CFAP20DC: variants seen among roughly 807,000 people sequenced by gnomAD.
The protein encoded by CFAP20DC is CFAP20 domain containing, also known as protein CFAP20DC.
In CFAP20DC, 84 loss-of-function variants were observed where a neutral mutation model predicts 101.7. The ratio of observed to expected loss-of-function variants is 0.83; its 90% CI spans 0.69 to 0.99. The LOEUF (loss-of-function observed/expected upper bound fraction) is 0.99. Ranked by LOEUF, CFAP20DC falls within the 50% of genes least tolerant of loss-of-function variation. The probability of loss-of-function intolerance (pLI) is 0.00; values close to 1 mark genes in which losing one functional copy is unlikely to be tolerated. For synonymous variants in CFAP20DC, 359 were observed against 351.2 expected, an observed-to-expected ratio of 1.02 and a Z score of -0.25; for missense variants, 1,007 against 970.3, an observed-to-expected ratio of 1.04 and a Z score of -0.50.
intron 4 of CFAP20DC, among the ~76,000 whole-genome samples, chr3:58,946,092 A>T (rs1490482739): frequency 9.6e-5 from 14 of 146,232 alleles, no homozygotes; most frequent in African/African-American, 3.5e-4. Context: ...GGCCTCTTTT[A>T]CTGGTTTCTC....
At chr3:58,829,931 G>T (rs2076285734) in intron 14 of CFAP20DC, among the ~76,000 whole-genome samples, 1 of 152,158 alleles carries the variant, frequency 6.6e-6, no homozygotes, top group South Asian at 2.1e-4. Context: ...CAGTTTAAAT[G>T]ACTGCTGCAG....
At position 58,790,569 on chromosome 3, in the gene CFAP20DC, A is replaced by G. The variant is rs374737659; in HGVS notation, c.2237+15826T>C. ...AGTGGTGAAAAGGACATGTGGATCC[A>G]TGGAGGCTACTTAGAAGGCTATAGC... On this transcript the variant is annotated intron_variant, in intron 15 of 16. Coordinates refer to ENST00000482387, the MANE Select transcript of CFAP20DC (RefSeq NM_001394063.1). Among the ~76,000 whole-genome samples, 21 of 152,332 alleles carry G rather than the reference A, an allele frequency of 1.4e-4. No individual in the cohort carries two copies. In the East Asian group the frequency reaches 2.7e-3, roughly 20 times the overall value.
At position 58,965,983 on chromosome 3, in the gene CFAP20DC, A is replaced by G. The variant is rs571255839; in HGVS notation, c.279-28221T>C. On this transcript the variant is annotated intron_variant, in intron 4 of 16. Coordinates refer to ENST00000482387, the MANE Select transcript of CFAP20DC (RefSeq NM_001394063.1). The stretch of plus-strand genomic sequence containing the variant: ...AGTGAGAACACTGACAAAAATGGTC[A>G]GGATCAACTTTTCAAAACACTGGAA... 2.6e-5 allele frequency among the ~76,000 whole-genome samples: 4 copies of G among 152,366 alleles called. No homozygotes were observed. The East Asian group carries it at 7.7e-4, about 29-fold the overall frequency.
chr3:58,855,548 C>T (rs376285942), intron 12 of CFAP20DC, among the ~76,000 whole-genome samples: 38 of 152,020 alleles, frequency 2.5e-4, no homozygotes, highest in African/African-American at 8.2e-4. Flanking sequence ...ATGTTTATTG[C>T]GGCATTATTC....
chr3:58,986,804 G>A lies in CFAP20DC; in HGVS notation c.279-49042C>T, dbSNP rs917921700. Among the ~76,000 whole-genome samples the A allele has an allele frequency of 2.6e-5, 4 of 151,950 alleles. No individual in the cohort carries two copies. The South Asian group carries it at 6.2e-4, about 24-fold the overall frequency. On this transcript the variant is annotated intron_variant, in intron 4 of 16. Coordinates refer to ENST00000482387, the MANE Select transcript of CFAP20DC (RefSeq NM_001394063.1). ...CAATCCATGCTACAGGTACTCTCAC[G>A]GAAAAAACGACCCCCAATAAACATA...
intron 16 of CFAP20DC, among the ~76,000 whole-genome samples, chr3:58,752,193 A>G (rs1164926819): frequency 6.6e-6 from 1 of 152,126 alleles, no homozygotes; most frequent in Non-Finnish European, 1.5e-5. Flanking sequence ...TTAACTACAA[A>G]CCACTCAAGC....
chr3:58,802,556 G>T (rs1413521247), intron 15 of CFAP20DC, among the ~76,000 whole-genome samples: 1 of 152,330 alleles, frequency 6.6e-6, no homozygotes, highest in East Asian at 1.9e-4. Context: ...ACCACCCCAT[G>T]CCTAACAGCG....
intron 4 of CFAP20DC, among the ~76,000 whole-genome samples, chr3:59,031,936 G>A (rs1440369529): frequency 1.3e-5 from 2 of 152,282 alleles, no homozygotes; most frequent in Middle Eastern, 3.4e-3. Flanking sequence ...GCTCTGGTCT[G>A]CAGCTCCCAG....
At chr3:58,815,137 A>G (rs1480777651) in intron 14 of CFAP20DC, among the ~76,000 whole-genome samples, 1 of 150,444 alleles carries the variant, frequency 6.6e-6, no homozygotes. Context: ...CCAAAACAGC[A>G]TGGTACTGGT....
At chr3:58,765,490 C>CAAAAAAAAAAA (rs1337049385) in intron 15 of CFAP20DC, among the ~76,000 whole-genome samples, 5 of 81,816 alleles carry the variant, frequency 6.1e-5, no homozygotes, top group Admixed American at 1.4e-4. Context: ...AAAAAAAAAC[C>CAAAAAAAAAAA]AAAAAAAAAA....
intron 3 of CFAP20DC, among the ~76,000 whole-genome samples, chr3:58,730,230 T>C (rs1040987146): frequency 2.0e-5 from 3 of 152,236 alleles, no homozygotes; most frequent in Admixed American, 1.3e-4. Flanking sequence ...AGATTTTAAA[T>C]GTTTTCACCA....
chr3:58,875,959 G>C (rs993815379), intron 7 of CFAP20DC, among the ~76,000 whole-genome samples: 1 of 152,070 alleles, frequency 6.6e-6, no homozygotes, highest in African/African-American at 2.4e-5. Context: ...ACCCACACCC[G>C]ATATGCTATT....
intron 11 of CFAP20DC, among the ~76,000 whole-genome samples, chr3:58,865,426 C>G (rs1210918400): frequency 1.3e-5 from 2 of 152,120 alleles, no homozygotes; most frequent in Non-Finnish European, 2.9e-5. Context: ...CTAGAGAAAA[C>G]CTACTAGGGA....
chr3:58,951,633 C>T (rs895772278), intron 4 of CFAP20DC, among the ~76,000 whole-genome samples: 11 of 152,114 alleles, frequency 7.2e-5, no homozygotes, highest in African/African-American at 2.7e-4. Flanking sequence ...TGGAAACCAT[C>T]ATTCTCAGCA....
chr3:58,832,515 G>T (rs781533806), intron 13 of CFAP20DC, among the ~76,000 whole-genome samples: 2 of 151,944 alleles, frequency 1.3e-5, no homozygotes, highest in African/African-American at 2.4e-5. Flanking sequence ...TGAGTGAATT[G>T]ATGAATTTCA....
chr3:58,768,053 G>A (rs2070481284), intron 15 of CFAP20DC, among the ~76,000 whole-genome samples: 1 of 152,170 alleles, frequency 6.6e-6, no homozygotes, highest in Non-Finnish European at 1.5e-5. Flanking sequence ...GTAGGAGAGA[G>A]CTAAGGGACT....
intron 14 of CFAP20DC, among the ~76,000 whole-genome samples, chr3:58,807,726 C>G (rs187242222): frequency 7.2e-4 from 109 of 152,294 alleles, no homozygotes; most frequent in Non-Finnish European, 7.1e-4. Flanking sequence ...ATGACTTTGA[C>G]GAGTTGCGAG....
intron 6 of CFAP20DC, among the ~76,000 whole-genome samples, chr3:58,886,040 AT>A (rs2081600035): frequency 2.0e-5 from 3 of 152,158 alleles, no homozygotes; most frequent in African/African-American, 4.8e-5. Flanking sequence ...TAGTAAATAT[AT>A]TAAGCTTTGT....
chr3:58,859,894 C>G lies in CFAP20DC; in HGVS notation c.1593+3664G>C, dbSNP rs534663044. Among the ~76,000 whole-genome samples the G allele has an allele frequency of 2.0e-5, 3 of 152,150 alleles. No individual in the cohort carries two copies. In the East Asian group the frequency reaches 5.8e-4, roughly 29 times the overall value. On this transcript the variant is annotated intron_variant, in intron 12 of 16. Coordinates refer to ENST00000482387, the MANE Select transcript of CFAP20DC (RefSeq NM_001394063.1). The surrounding 1 kb of genome is among the most constrained non-coding windows in gnomAD (Gnocchi z 4.1). Reference sequence around the variant, plus strand: ...GTGAGAAAGCAATTAAAAATCATTACTTGGCCAGGCGCGATGGCTCATGCC... The same window carrying G: ...GTGAGAAAGCAATTAAAAATCATTAGTTGGCCAGGCGCGATGGCTCATGCC...
Sources: gnomAD v4.1 joint callset for allele counts (sites outside exome capture counted in the v4.1 genomes callset) on GRCh38, gnomAD v4.1.1 for gene constraint, Gnocchi (gnomAD v3.1) non-coding constraint, MANE v1.5 for transcripts, NCBI Gene and HGNC (gene_info 2026-07-23, HGNC 2026-07-21) for gene names.